The following TBX15 variants were observed in gnomAD, a reference collection of about 807,000 sequenced individuals.
TBX15 encodes the protein T-box transcription factor TBX15.
In TBX15, 18 loss-of-function variants were observed where a neutral mutation model predicts 53.9. That is an observed-to-expected ratio of 0.33 (90% CI 0.23 to 0.49). TBX15 has a LOEUF of 0.49. TBX15 is among the 20% of genes least tolerant of loss of function. TBX15 has a pLI of 0.98. For missense variants in TBX15, 692 were observed against 749.5 expected, an observed-to-expected ratio of 0.92 and a Z score of 0.90; for synonymous variants, 295 against 278.0, an observed-to-expected ratio of 1.06 and a Z score of -0.61.
chr1:118,953,882 G>T (rs1277694052), intron 1 of TBX15, among the ~76,000 whole-genome samples: 1 of 152,160 alleles, frequency 6.6e-6, no homozygotes, highest in Non-Finnish European at 1.5e-5. Flanking sequence ...CTTTATTTGA[G>T]GAGGCAGTGA....
At chr1:118,977,594 T>G (rs996206757) in intron 1 of TBX15, among the ~76,000 whole-genome samples, 10 of 152,278 alleles carry the variant, frequency 6.6e-5, no homozygotes, top group African/African-American at 2.4e-4. Context: ...CAGATGACGG[T>G]GGGGAGCCAT....
At chr1:118,915,556 C>T (rs1037313795) in intron 5 of TBX15, among the ~76,000 whole-genome samples, 1 of 152,180 alleles carries the variant, frequency 6.6e-6, no homozygotes, top group African/African-American at 2.4e-5. Flanking sequence ...ATTTTATAGA[C>T]CATAGCAGGA....
At chr1:118,940,995 T>TGAA (rs1656160078) in intron 1 of TBX15, among the ~76,000 whole-genome samples, 1 of 149,794 alleles carries the variant, frequency 6.7e-6, no homozygotes, top group African/African-American at 2.6e-5. Flanking sequence ...TGGGTGGTCT[T>TGAA]CAAGATTTAC....
At chr1:118,901,034 G>C (rs573439400) in intron 6 of TBX15, among the ~76,000 whole-genome samples, 1 of 152,260 alleles carries the variant, frequency 6.6e-6, no homozygotes, top group Admixed American at 6.5e-5. Context: ...TGAAGTGCTG[G>C]AAGACTATGA....
chr1:118,921,445 GA>G (rs1175128610), intron 5 of TBX15, among the ~76,000 whole-genome samples: 4 of 152,074 alleles, frequency 2.6e-5, no homozygotes, highest in Admixed American at 2.6e-4. Context: ...AAATCATGCA[GA>G]AAAAAAGAAG....
At chr1:118,892,774 G>A (rs1044609762) in intron 7 of TBX15, among the ~76,000 whole-genome samples, 2 of 152,126 alleles carry the variant, frequency 1.3e-5, no homozygotes, top group African/African-American at 4.8e-5. Flanking sequence ...GACAGCATGA[G>A]AAATGCTAAT....
chr1:118,945,557 C>T (rs1656321544), intron 1 of TBX15, among the ~76,000 whole-genome samples: 1 of 152,174 alleles, frequency 6.6e-6, no homozygotes, highest in Admixed American at 6.6e-5. Flanking sequence ...AACCAGAGCT[C>T]CATGGAGACA....
At chr1:118,983,758 C>A (rs1027126771) in intron 1 of TBX15, among the ~76,000 whole-genome samples, 1 of 152,186 alleles carries the variant, frequency 6.6e-6, no homozygotes, top group Non-Finnish European at 1.5e-5. Context: ...CTGGACTCAA[C>A]CCCAGCAGAC....
intron 6 of TBX15, among the ~76,000 whole-genome samples, chr1:118,909,563 T>TTGC (rs1654958589): frequency 6.6e-6 from 1 of 151,912 alleles, no homozygotes; most frequent in Admixed American, 6.5e-5. Context: ...GTTGTTGTTG[T>TTGC]TGTTGTTGTT....
chr1:118,893,485 GGAAAGAAA>G (rs55891659), intron 7 of TBX15, among the ~76,000 whole-genome samples: 3,719 of 72,044 alleles, frequency 0.052, 99 homozygotes, highest in Middle Eastern at 0.064. Context: ...AAGGAAGGAA[GGAAAGAAA>G]GAAAGAAAGA....
chr1:118,903,257 G>A (rs1654695782), intron 6 of TBX15, among the ~76,000 whole-genome samples: 1 of 152,108 alleles, frequency 6.6e-6, no homozygotes, highest in Non-Finnish European at 1.5e-5. Flanking sequence ...AGGAAGAAGA[G>A]AAAGCAAGCC....
chr1:118,961,068 G>C (rs1478738942), intron 1 of TBX15, among the ~76,000 whole-genome samples: 1 of 152,164 alleles, frequency 6.6e-6, no homozygotes, highest in East Asian at 1.9e-4. Context: ...TGGCCCCCAA[G>C]GACTGGGAAT....
chr1:118,971,995 T>C (rs2101702314), intron 1 of TBX15, among the ~76,000 whole-genome samples: 1 of 152,376 alleles, frequency 6.6e-6, no homozygotes, highest in African/African-American at 2.4e-5. Flanking sequence ...GAAGACCTCC[T>C]TCCAAGAGGA....
At chr1:118,893,403 AAG>A (rs1419370095) in intron 7 of TBX15, among the ~76,000 whole-genome samples, 1 of 131,112 alleles carries the variant, frequency 7.6e-6, no homozygotes, top group Non-Finnish European at 1.6e-5. Context: ...GAAAGAAAGA[AAG>A]AAAGGAAGAA....
In TBX15 at chr1:118,885,171, G is replaced by C. The variant is rs1307259800; in HGVS notation, c.1370C>G (p.Pro457Arg). Reference protein sequence around the residue: ...ISGIPTPPSLPGNSKMEAYGG... With the variant: ...ISGIPTPPSLRGNSKMEAYGG... ...GTAGGCTTCCATCTTGCTGTTGCCA[G>C]GCAACGAGGGAGGAGTTGGTATTCC... is the stretch of plus-strand genomic sequence containing the variant. Residue 457 changes from proline to arginine, a missense_variant, in exon 8 of 8, where the codon CCT (proline) becomes CGT (arginine). This residue lies in a region of TBX15 where 375 missense variants were observed against 371.6 expected (regional missense o/e 1.01). Coordinates refer to ENST00000369429, the MANE Select transcript of TBX15 (RefSeq NM_001330677.2). 1 of 1,614,190 alleles carries C rather than the reference G, an allele frequency of 6.2e-7. No individual in the cohort carries two copies. Among genetic ancestry groups the C allele is most frequent in the South Asian group, 1.1e-5 (1 of 91,076 alleles).
chr1:118,923,061 T>A (rs1416084032), intron 5 of TBX15, among the ~76,000 whole-genome samples: 2 of 151,722 alleles, frequency 1.3e-5, no homozygotes, highest in African/African-American at 4.8e-5. Flanking sequence ...AAAGTCCTTG[T>A]CTATGTTGAT....
chr1:118,895,811 C>G (rs1483369309), intron 7 of TBX15, among the ~76,000 whole-genome samples: 1 of 152,128 alleles, frequency 6.6e-6, no homozygotes, highest in Non-Finnish European at 1.5e-5. Context: ...TAAAAACCAT[C>G]AATAGGAAGA....
chr1:118,960,421 C>T (rs911031054), intron 1 of TBX15, among the ~76,000 whole-genome samples: 1 of 152,190 alleles, frequency 6.6e-6, no homozygotes, highest in Non-Finnish European at 1.5e-5. Context: ...CCTTGCACCT[C>T]CATCTAACCT....
At chr1:118,914,248 A>T in intron 5 of TBX15, 69 bp from the exon 6 acceptor site, 1 of 1,404,052 alleles carries the variant, frequency 7.1e-7, no homozygotes, top group Non-Finnish European at 1.0e-6. Context: ...CTCCTAGAAA[A>T]TTACAAAAAT....
Sources: gnomAD v4.1 joint callset for allele counts (sites outside exome capture counted in the v4.1 genomes callset) on GRCh38, gnomAD v4.1.1 for gene constraint, gnomAD v4.1.1 regional missense constraint, MANE v1.5 for transcripts, NCBI Gene and HGNC (gene_info 2026-07-23, HGNC 2026-07-21) for gene names.